RALYL: variants seen among roughly 807,000 people sequenced by gnomAD.
The protein encoded by RALYL is RNA-binding Raly-like protein.
Under a neutral mutation model 35.1 loss-of-function variants are expected in RALYL, and 29 were observed. The observed-to-expected ratio is 0.83, with a 90% CI of 0.61 to 1.13. The LOEUF (loss-of-function observed/expected upper bound fraction) is 1.13. Among genes scored for constraint, RALYL ranks in the 50% most tolerant of loss-of-function variants. The pLI is 0.00. For synonymous variants in RALYL, 120 were observed against 127.6 expected (o/e 0.94, Z 0.40); for missense variants, 359 against 360.4 (o/e 1.00, Z 0.03).
At chr8:84,719,836 TAACTATAGTC>T (rs986825994) in intron 2 of RALYL, among the ~76,000 whole-genome samples, 1 of 152,112 alleles carries the variant, frequency 6.6e-6, no homozygotes, top group Non-Finnish European at 1.5e-5. Flanking sequence ...GCAATATTGT[TAACTATAGTC>T]AACACACCAG....
chr8:84,372,886 G>GTTTTTTTTTTTTTGTTTTGTTTTTTT (rs1856071710), intron 1 of RALYL, among the ~76,000 whole-genome samples: 17 of 39,072 alleles, frequency 4.4e-4, no homozygotes, highest in African/African-American at 5.5e-4. Context: ...GCCAGCATCT[G>GTTTTTTTTTTTTTGTTTTGTTTTTTT]TTTTTTTTTT....
chr8:84,592,773 G>T (rs960787724), intron 2 of RALYL, among the ~76,000 whole-genome samples: 4 of 151,986 alleles, frequency 2.6e-5, no homozygotes, highest in African/African-American at 9.7e-5. Context: ...TTCAGAAAAT[G>T]TTTCAGTAAC....
intron 1 of RALYL, among the ~76,000 whole-genome samples, chr8:84,263,909 C>T (rs901957490): frequency 6.6e-6 from 1 of 152,156 alleles, no homozygotes; most frequent in Non-Finnish European, 1.5e-5. Flanking sequence ...ATAATGGCTT[C>T]CAGCTTCATC....
chr8:84,895,412 T>C (rs1049600592), intron 8 of RALYL, among the ~76,000 whole-genome samples: 1 of 152,026 alleles, frequency 6.6e-6, no homozygotes, highest in African/African-American at 2.4e-5. Flanking sequence ...ATTTGTATCC[T>C]CTTATATATT....
In RALYL at chr8:84,790,610, G is replaced by A. The variant is rs1455995523; in HGVS notation, c.333-14160G>A. On this transcript the variant is annotated intron_variant, in intron 3 of 8. Transcript: ENST00000521268. Reference sequence around the variant, plus strand: ...TTTTCTGGGTACCAAGGATATCCCAGTTAATGCTACAAGAAAATCTTTAGC... The same window carrying A: ...TTTTCTGGGTACCAAGGATATCCCAATTAATGCTACAAGAAAATCTTTAGC... Among the ~76,000 whole-genome samples the A allele has an allele frequency of 2.0e-5, 3 of 152,194 alleles. No homozygotes were observed. The East Asian group carries it at 5.8e-4, about 29-fold the overall frequency.
At chr8:84,816,383 C>A (rs2134173458) in intron 4 of RALYL, among the ~76,000 whole-genome samples, 1 of 152,262 alleles carries the variant, frequency 6.6e-6, no homozygotes, top group Admixed American at 6.5e-5. Flanking sequence ...TTAAAGAAGA[C>A]TTTAATATGA....
intron 2 of RALYL, among the ~76,000 whole-genome samples, chr8:84,672,918 T>C (rs370402815): frequency 1.3e-5 from 2 of 152,308 alleles, no homozygotes; most frequent in East Asian, 3.9e-4. Flanking sequence ...TGTGTTCATG[T>C]TATTGCACTA....
At chr8:84,461,671 T>C (rs1158345857) in intron 1 of RALYL, among the ~76,000 whole-genome samples, 1 of 151,758 alleles carries the variant, frequency 6.6e-6, no homozygotes, top group Non-Finnish European at 1.5e-5. Context: ...AAGAATGTTA[T>C]ACTTCTTCAT....
intron 2 of RALYL, among the ~76,000 whole-genome samples, chr8:84,710,173 T>C (rs1841938045): frequency 6.6e-6 from 1 of 152,210 alleles, no homozygotes. Context: ...GGCCTTCACC[T>C]GCACCTTCAC....
At chr8:84,752,782 G>C (rs771034124) in intron 2 of RALYL, among the ~76,000 whole-genome samples, 4 of 152,326 alleles carry the variant, frequency 2.6e-5, no homozygotes, top group Non-Finnish European at 5.9e-5. Flanking sequence ...CAGGTACATG[G>C]AATATAAAAG....
chr8:84,418,561 C>T (rs910105212), intron 1 of RALYL, among the ~76,000 whole-genome samples: 2 of 152,060 alleles, frequency 1.3e-5, no homozygotes, highest in African/African-American at 4.8e-5. Context: ...GAACAACACT[C>T]TAGGTACAGT....
intron 1 of RALYL, among the ~76,000 whole-genome samples, chr8:84,231,741 C>T (rs1825411263): frequency 6.6e-6 from 1 of 152,056 alleles, no homozygotes; most frequent in African/African-American, 2.4e-5. Context: ...TATCATTGTC[C>T]ATCAAACTCT....
intron 1 of RALYL, among the ~76,000 whole-genome samples, chr8:84,291,391 A>G (rs957222687): frequency 6.6e-6 from 1 of 152,196 alleles, no homozygotes; most frequent in Non-Finnish European, 1.5e-5. Flanking sequence ...CATTTGATCT[A>G]GTTTTAAAAG....
intron 1 of RALYL, among the ~76,000 whole-genome samples, chr8:84,356,719 C>G (rs1851909614): frequency 1.3e-5 from 2 of 150,282 alleles, no homozygotes; most frequent in South Asian, 4.2e-4. Context: ...TAGACACCAA[C>G]TCTTTTGATT....
intron 1 of RALYL, among the ~76,000 whole-genome samples, chr8:84,253,180 T>A: frequency 9.1e-6 from 1 of 109,292 alleles, no homozygotes; most frequent in African/African-American, 3.7e-5. Flanking sequence ...TCTGCAGTTT[T>A]TTTTTTTTTT....
intron 1 of RALYL, among the ~76,000 whole-genome samples, chr8:84,501,724 G>T (rs2134226098): frequency 6.6e-6 from 1 of 151,376 alleles, no homozygotes; most frequent in Non-Finnish European, 1.5e-5. Context: ...CTTTCTCTTA[G>T]GAAATATCTC....
At chr8:84,214,887 A>AT (rs576324916) in intron 1 of RALYL, among the ~76,000 whole-genome samples, 252 of 148,462 alleles carry the variant, frequency 1.7e-3, no homozygotes, top group African/African-American at 5.0e-3. Flanking sequence ...ATTAACTTTT[A>AT]TTTTTTTTTT....
intron 4 of RALYL, among the ~76,000 whole-genome samples, chr8:84,830,028 G>C (rs77085067): frequency 2.5e-4 from 29 of 115,084 alleles, no homozygotes; most frequent in Admixed American, 1.3e-3. Context: ...GGGGGGGGGG[G>C]GCATTTTAAG....
rs1840363139 is a variant in RALYL, at chr8:84,872,401, T to C, written c.572-883T>C. On this transcript the variant is annotated intron_variant, in intron 6 of 8. Transcript: ENST00000521268. The stretch of plus-strand genomic sequence containing the variant: ...ATGGTTTTCAGAAAAATAAGGACAG[T>C]GCAGTAAATTTTTTACAAATATAAA... The C allele has an allele frequency of 3.3e-5, 5 of 152,236 alleles. No homozygotes were observed. The South Asian group carries it at 1.0e-3, about 32-fold the overall frequency. 9.4% of individuals were successfully genotyped at this position (152,236 alleles called of 1,614,324 possible). A position where few individuals can be genotyped will look rare whatever the true frequency, so the allele number is the denominator to read the frequency against.
Sources: gnomAD v4.1 joint callset for allele counts (sites outside exome capture counted in the v4.1 genomes callset) on GRCh38, gnomAD v4.1.1 for gene constraint, MANE v1.5 for transcripts, NCBI Gene and HGNC (gene_info 2026-07-23, HGNC 2026-07-21) for gene names.